The following FHIT variants were observed in gnomAD, a reference collection of about 807,000 sequenced individuals.
The protein encoded by FHIT is fragile histidine triad diadenosine triphosphatase.
FHIT carries 19 observed loss-of-function variants against 17.9 expected under a neutral mutation model. That is an observed-to-expected ratio of 1.06 (90% CI 0.74 to 1.56). The LOEUF (loss-of-function observed/expected upper bound fraction) is 1.56. Ranked by LOEUF, FHIT falls within the 40% of genes most tolerant of loss-of-function variation. The probability of loss-of-function intolerance (pLI) is 0.00; values close to 1 mark genes in which losing one functional copy is unlikely to be tolerated. For missense variants in FHIT, 248 were observed against 189.2 expected (o/e 1.31, Z -1.82); for synonymous variants, 81 against 69.7 (o/e 1.16, Z -0.81).
chr3:61,091,612 A>G (rs566043252), intron 2 of FHIT, among the ~76,000 whole-genome samples: 45 of 152,278 alleles, frequency 3.0e-4, no homozygotes, highest in African/African-American at 7.9e-4. Context: ...GCAAGTATAC[A>G]GAATAGTGCC....
At chr3:60,156,625 A>AC (rs1700709133) in intron 5 of FHIT, among the ~76,000 whole-genome samples, 1 of 150,976 alleles carries the variant, frequency 6.6e-6, no homozygotes, top group Non-Finnish European at 1.5e-5. Context: ...AATGGTGAGC[A>AC]CCTGTAGTCC....
intron 7 of FHIT, among the ~76,000 whole-genome samples, chr3:59,963,770 T>G (rs2107354680): frequency 6.6e-6 from 1 of 152,278 alleles, no homozygotes; most frequent in South Asian, 2.1e-4. Context: ...CCATAAAGCT[T>G]TACTACAAAT....
intron 3 of FHIT, among the ~76,000 whole-genome samples, chr3:60,863,603 T>C (rs1704022209): frequency 6.6e-6 from 1 of 152,214 alleles, no homozygotes; most frequent in Admixed American, 6.5e-5. Context: ...AATAAATTAA[T>C]GCACTCATAT....
chr3:60,992,754 A>AG (rs931418151), intron 3 of FHIT, among the ~76,000 whole-genome samples: 2 of 152,202 alleles, frequency 1.3e-5, no homozygotes, highest in African/African-American at 4.8e-5. Context: ...TGAAAGTTCG[A>AG]GGGGGCAGGA....
At chr3:59,939,982 A>G (rs1706432395) in intron 7 of FHIT, among the ~76,000 whole-genome samples, 1 of 152,204 alleles carries the variant, frequency 6.6e-6, no homozygotes. Context: ...TGGAAGGTTC[A>G]GGTCCTTAAC....
chr3:60,156,593 T>C (rs1406696181), intron 5 of FHIT, among the ~76,000 whole-genome samples: 2 of 151,480 alleles, frequency 1.3e-5, no homozygotes, highest in African/African-American at 4.8e-5. Context: ...TATAAAAATT[T>C]TTTTTTAAAT....
At chr3:60,633,773 G>A (rs2039507646) in intron 4 of FHIT, among the ~76,000 whole-genome samples, 2 of 152,138 alleles carry the variant, frequency 1.3e-5, no homozygotes, top group East Asian at 3.9e-4. Flanking sequence ...CGAGGAGAAA[G>A]CATGAGCCCG....
chr3:60,523,520 G>A lies in FHIT; in HGVS notation c.103+13340C>T, dbSNP rs146740038. ...AGAAAGAAATAGAGATCTACAAAAGGGCATGTTATGTAAGGCAACCTGTAT... is the reference window on the plus strand; with the variant it reads ...AGAAAGAAATAGAGATCTACAAAAGAGCATGTTATGTAAGGCAACCTGTAT... On this transcript the variant is annotated intron_variant, in intron 5 of 9. Transcript: ENST00000492590. Among the ~76,000 whole-genome samples the A allele has an allele frequency of 3.8e-3, 583 of 152,140 alleles. 3 individuals are homozygous for A. Among genetic ancestry groups the A allele is most frequent in the African/African-American group, 0.014 (562 of 41,498 alleles).
intron 5 of FHIT, among the ~76,000 whole-genome samples, chr3:60,269,119 G>C (rs1470224116): frequency 2.0e-5 from 3 of 152,134 alleles, no homozygotes; most frequent in Admixed American, 6.5e-5. Flanking sequence ...TTTTATTTTT[G>C]TTGTTTTATG....
At chr3:60,331,817 G>T (rs893755277) in intron 5 of FHIT, among the ~76,000 whole-genome samples, 7 of 149,990 alleles carry the variant, frequency 4.7e-5, no homozygotes, top group African/African-American at 7.4e-5. Flanking sequence ...TTGCACTCCA[G>T]CCTGGGCAAC....
intron 4 of FHIT, among the ~76,000 whole-genome samples, chr3:60,745,555 T>A (rs2042339293): frequency 6.6e-6 from 1 of 152,044 alleles, no homozygotes. Flanking sequence ...AAAATATAGA[T>A]TAGAGTTGGC....
chr3:59,864,615 A>G (rs973182670), intron 8 of FHIT, among the ~76,000 whole-genome samples: 2 of 151,450 alleles, frequency 1.3e-5, no homozygotes, highest in African/African-American at 4.9e-5. Flanking sequence ...CCGCAGCCCT[A>G]TATCCTGTGG....
chr3:60,723,256 A>G (rs905197100), intron 4 of FHIT, among the ~76,000 whole-genome samples: 3 of 152,192 alleles, frequency 2.0e-5, no homozygotes, highest in African/African-American at 7.2e-5. Flanking sequence ...ATTGTGCAGA[A>G]AAGAGTTAAC....
chr3:59,879,697 A>G (rs150614329), intron 8 of FHIT, among the ~76,000 whole-genome samples: 1,941 of 152,318 alleles, frequency 0.013, 53 homozygotes, highest in African/African-American at 0.044. Flanking sequence ...CAGTCTGGAT[A>G]CAAACATTAT....
At chr3:60,986,774 C>A (rs1710735541) in intron 3 of FHIT, among the ~76,000 whole-genome samples, 1 of 152,156 alleles carries the variant, frequency 6.6e-6, no homozygotes. Context: ...ATAGGAATAG[C>A]CGCTGACAGT....
At chr3:60,945,688 A>G (rs1293354718) in intron 3 of FHIT, among the ~76,000 whole-genome samples, 3 of 152,160 alleles carry the variant, frequency 2.0e-5, no homozygotes, top group Admixed American at 2.0e-4. Context: ...GCAGAATACC[A>G]GAAAGGGAGA....
At chr3:60,450,877 C>G (rs2107367891) in intron 5 of FHIT, among the ~76,000 whole-genome samples, 1 of 152,272 alleles carries the variant, frequency 6.6e-6, no homozygotes. Context: ...AATTATTTAA[C>G]AGCCAGGTCC....
intron 3 of FHIT, among the ~76,000 whole-genome samples, chr3:60,976,884 T>TG (rs906782007): frequency 4.2e-4 from 63 of 151,804 alleles, no homozygotes; most frequent in African/African-American, 1.4e-3. Flanking sequence ...AATACTTGTT[T>TG]TTTTTTTTTT....
intron 5 of FHIT, among the ~76,000 whole-genome samples, chr3:60,195,322 G>A (rs1466537591): frequency 2.0e-5 from 3 of 151,804 alleles, no homozygotes; most frequent in Non-Finnish European, 1.5e-5. Context: ...AATGAAATTA[G>A]TACAACCTTT....
Sources: allele counts gnomAD v4.1 joint callset (sites outside exome capture counted in the v4.1 genomes callset), GRCh38; gene constraint gnomAD v4.1.1; transcripts MANE v1.5; gene names NCBI Gene and HGNC (gene_info 2026-07-23, HGNC 2026-07-21).